Variants in NRBF2 observed in about 807,000 individuals in gnomAD.
The protein encoded by NRBF2 is nuclear receptor-binding factor 2.
Under a neutral mutation model 28.5 loss-of-function variants are expected in NRBF2, and 12 were observed. That is an observed-to-expected ratio of 0.42 (90% CI 0.27 to 0.68). The LOEUF is 0.68. NRBF2 is among the 30% of genes least tolerant of loss of function. The pLI is 0.24. For synonymous variants in NRBF2, 102 were observed against 116.5 expected (o/e 0.88, Z 0.80); for missense variants, 274 against 333.5 (o/e 0.82, Z 1.39).
At chr10:63,141,491 T>A (rs1046600097) in intron 1 of NRBF2, among the ~76,000 whole-genome samples, 8 of 152,246 alleles carry the variant, frequency 5.3e-5, no homozygotes, top group African/African-American at 1.9e-4. Context: ...GACCCAACTA[T>A]ATTGTCAACT....
intron 3 of NRBF2, among the ~76,000 whole-genome samples, chr10:63,152,569 A>T (rs1443466609): frequency 2.6e-5 from 4 of 152,188 alleles, no homozygotes; most frequent in Non-Finnish European, 5.9e-5. Flanking sequence ...GTCAAAGATA[A>T]TTTAAATCTG....
intron 1 of NRBF2, 76 bp from the exon 2 acceptor site, chr10:63,146,133 A>G (rs897657739): frequency 6.8e-5 from 74 of 1,086,910 alleles, no homozygotes; most frequent in Middle Eastern, 2.9e-4. Flanking sequence ...TTATCTTCTT[A>G]AAAGGTAGTT....
intron 1 of NRBF2, among the ~76,000 whole-genome samples, chr10:63,137,946 T>C (rs1841399895): frequency 6.6e-6 from 1 of 152,096 alleles, no homozygotes; most frequent in African/African-American, 2.4e-5. Context: ...ATTTTTTATC[T>C]TTTCCTCTTA....
chr10:63,154,860 ATAAT>A lies in NRBF2; in HGVS notation c.*647_*650del, dbSNP rs1342018182. On this transcript the variant is annotated 3_prime_UTR_variant, in exon 4 of 4. Transcript: ENST00000277746. ...TTTTTAAAACAAATTACCAGTTTAC[ATAAT>A]TAATCAGGGTGCATTTTAAGTTCTA... 1.2e-4 allele frequency: 18 copies of A among 152,812 alleles called. No homozygotes were observed. The highest frequency in any genetic ancestry group is 2.2e-4 in the African/African-American group (9 of 41,594). 9.5% of individuals were successfully genotyped at this position (152,812 alleles called of 1,614,324 possible).
At chr10:63,147,189 C>A (rs1210902114) in intron 2 of NRBF2, among the ~76,000 whole-genome samples, 1 of 152,148 alleles carries the variant, frequency 6.6e-6, no homozygotes, top group African/African-American at 2.4e-5. Context: ...CATATTCTTT[C>A]TTGACAGAGG....
At chr10:63,140,565 CA>C (rs1841447431) in intron 1 of NRBF2, among the ~76,000 whole-genome samples, 1 of 152,066 alleles carries the variant, frequency 6.6e-6, no homozygotes, top group Non-Finnish European at 1.5e-5. Flanking sequence ...AGGTGTGCAC[CA>C]CTACACCCAG....
At chr10:63,138,366 C>G (rs1305901028) in intron 1 of NRBF2, among the ~76,000 whole-genome samples, 1 of 151,904 alleles carries the variant, frequency 6.6e-6, no homozygotes, top group Non-Finnish European at 1.5e-5. Context: ...TGCCTATAAT[C>G]CCAGCTACTT....
chr10:63,147,459 T>A (rs1301110471), intron 2 of NRBF2, among the ~76,000 whole-genome samples: 1 of 152,054 alleles, frequency 6.6e-6, no homozygotes, highest in African/African-American at 2.4e-5. Context: ...TAGCTGGGAC[T>A]ACAGGTGTGT....
chr10:63,150,390 A>G (rs983680092), intron 2 of NRBF2: 1 of 977,238 alleles, frequency 1.0e-6, no homozygotes, highest in Admixed American at 6.2e-5. Flanking sequence ...TGTATAACCA[A>G]CTCTGTTTTT....
At chr10:63,142,776 C>CTTTTTTTTTTTT (rs1202067005) in intron 1 of NRBF2, among the ~76,000 whole-genome samples, 5 of 26,496 alleles carry the variant, frequency 1.9e-4, no homozygotes, top group African/African-American at 6.9e-4. Context: ...TTCTTTCTTT[C>CTTTTTTTTTTTT]TTTCTTTTTT....
At position 63,153,928 on chromosome 10, in the gene NRBF2, T is replaced by G. The variant is rs1352114980; in HGVS notation, c.574T>G (p.Leu192Val). The change falls in exon 4 of 4, where the codon TTA becomes GTA. Residue 192 changes from leucine (L) to valine (V), a missense_variant. Leu to Val is a conservative substitution (Grantham distance 32, BLOSUM62 1). Coordinates refer to ENST00000277746, the MANE Select transcript of NRBF2 (RefSeq NM_030759.5). Reference protein sequence around the residue: ...VEFLVAENERLRKENKQLKAE... With the variant: ...VEFLVAENERVRKENKQLKAE... Reference sequence around the variant, plus strand: ...ATTCCTTGTGGCTGAGAATGAAAGATTAAGGAAAGAAAATAAACAACTAAA... The same window carrying G: ...ATTCCTTGTGGCTGAGAATGAAAGAGTAAGGAAAGAAAATAAACAACTAAA... 1.2e-6 allele frequency: 2 copies of G among 1,611,748 alleles called. No individual in the cohort carries two copies. The highest frequency in any genetic ancestry group is 1.7e-5 in the Admixed American group (1 of 59,974).
intron 1 of NRBF2, among the ~76,000 whole-genome samples, chr10:63,138,169 C>T (rs1841402680): frequency 6.6e-6 from 1 of 151,706 alleles, no homozygotes; most frequent in Non-Finnish European, 1.5e-5. Context: ...AAAAATTAGC[C>T]AGGTGTGGTG....
At position 63,154,133 on chromosome 10, in the gene NRBF2, A is replaced by T. The variant is rs748079502; in HGVS notation, c.779A>T (p.Asn260Ile). Residue 260 changes from asparagine (N) to isoleucine (I), a missense_variant, in exon 4 of 4, where the codon AAT becomes ATT. Transcript: ENST00000277746. Reference sequence around the variant, plus strand: ...AAAGCCAAGGACATTCCAATCCCCAATCTTCCTCCCTTGGATTTTCCATCT... The same window carrying T: ...AAAGCCAAGGACATTCCAATCCCCATTCTTCCTCCCTTGGATTTTCCATCT... The part of the protein sequence containing the change: ...TGKAKDIPIP[N>I]LPPLDFPSPE... 3 of 1,613,664 alleles carry T rather than the reference A, an allele frequency of 1.9e-6. No individual in the cohort carries two copies. Among genetic ancestry groups the T allele is most frequent in the Non-Finnish European group, 2.5e-6 (3 of 1,179,726 alleles).
intron 2 of NRBF2, 138 bp downstream of exon 2, chr10:63,146,431 G>A (rs753298050): frequency 2.5e-4 from 149 of 591,582 alleles, no homozygotes; most frequent in Admixed American, 1.8e-4. Flanking sequence ...TTTCAAGTAA[G>A]TGTGTTGGAT....
rs554797662 is a variant in NRBF2, at chr10:63,154,266, G to A, written c.*48G>A. 208 of 1,179,294 alleles carry A rather than the reference G, an allele frequency of 1.8e-4. No homozygotes were observed. Among genetic ancestry groups the A allele is most frequent in the South Asian group, 1.1e-4 (8 of 69,614 alleles). 73.1% of individuals were successfully genotyped at this position (1,179,294 alleles called of 1,614,324 possible). On this transcript the variant is annotated 3_prime_UTR_variant, in exon 4 of 4. Coordinates refer to ENST00000277746, the MANE Select transcript of NRBF2 (RefSeq NM_030759.5). Reference sequence around the variant, plus strand: ...GAAAAGAGGAAATAATACAGTAATCGTTAATCCAGCAAAAAGAAATGAAAA... The same window carrying A: ...GAAAAGAGGAAATAATACAGTAATCATTAATCCAGCAAAAAGAAATGAAAA...
intron 1 of NRBF2, among the ~76,000 whole-genome samples, chr10:63,145,662 A>C (rs1410010358): frequency 6.6e-6 from 1 of 152,204 alleles, no homozygotes; most frequent in Non-Finnish European, 1.5e-5. Flanking sequence ...TTGTAATATT[A>C]GATGTTGGTA....
In NRBF2 at chr10:63,133,341, C is replaced by A. The variant is rs1164074552; in HGVS notation, c.-130C>A. On this transcript the variant is annotated 5_prime_UTR_variant, in exon 1 of 4. Transcript: ENST00000277746. ...GGTGAGGTTGTTGCTCCTTCAGCGC[C>A]TATCGCTGGCTCTTGGGGCGCAGAG... 4 of 1,088,712 alleles carry A rather than the reference C, an allele frequency of 3.7e-6. No homozygotes were observed. The highest frequency in any genetic ancestry group is 5.4e-5 in the East Asian group (2 of 37,140). 67.4% of individuals were successfully genotyped at this position (1,088,712 alleles called of 1,614,324 possible). A position where few individuals can be genotyped will look rare whatever the true frequency, so the allele number is the denominator to read the frequency against.
intron 1 of NRBF2, among the ~76,000 whole-genome samples, chr10:63,134,151 T>G (rs1007759981): frequency 6.6e-6 from 1 of 152,170 alleles, no homozygotes; most frequent in East Asian, 1.9e-4. Context: ...TTAGGCATCA[T>G]GAAAGTGTAA....
chr10:63,152,729 G>T (rs774306468), intron 3 of NRBF2, among the ~76,000 whole-genome samples: 4 of 152,218 alleles, frequency 2.6e-5, no homozygotes, highest in Non-Finnish European at 5.9e-5. Flanking sequence ...GGGCATGGTG[G>T]CCCATGCCTG....
Sources: allele counts gnomAD v4.1 joint callset (sites outside exome capture counted in the v4.1 genomes callset), GRCh38; gene constraint gnomAD v4.1.1; transcripts MANE v1.5; gene names NCBI Gene and HGNC (gene_info 2026-07-23, HGNC 2026-07-21).